Variants in EXD3 observed in about 807,000 individuals in gnomAD.
EXD3 encodes exonuclease 3'-5' domain containing 3.
Under a neutral mutation model 98.0 loss-of-function variants are expected in EXD3, and 92 were observed. The ratio of observed to expected loss-of-function variants is 0.94; its 90% CI spans 0.79 to 1.12. The LOEUF (loss-of-function observed/expected upper bound fraction) is 1.12, where lower values mean the gene tolerates loss of function less well. EXD3 is among the 50% of genes most tolerant of loss of function. The pLI, the probability that EXD3 is intolerant of heterozygous loss-of-function variation, is 0.00. For missense variants in EXD3, 1,222 were observed against 1,191.6 expected, an observed-to-expected ratio of 1.03 and a Z score of -0.38; for synonymous variants, 569 against 526.0, an observed-to-expected ratio of 1.08 and a Z score of -1.12.
intron 20 of EXD3, 125 bp from the exon 21 acceptor site, chr9:137,307,771 A>AC (rs1210048665): frequency 4.9e-5 from 51 of 1,048,104 alleles, no homozygotes; most frequent in African/African-American, 6.3e-5. Flanking sequence ...CTCTTCACAC[A>AC]CCCCCCAGCC....
At chr9:137,386,909 C>A (rs1187376789) in intron 2 of EXD3, among the ~76,000 whole-genome samples, 2 of 142,054 alleles carry the variant, frequency 1.4e-5, no homozygotes, top group African/African-American at 5.3e-5. Flanking sequence ...CCCTCAGCAC[C>A]CCTGCTCCCT....
At chr9:137,412,636 G>A (rs1838054435) in intron 1 of EXD3, among the ~76,000 whole-genome samples, 1 of 152,142 alleles carries the variant, frequency 6.6e-6, no homozygotes, top group Admixed American at 6.5e-5. Flanking sequence ...ACAGCAGGAT[G>A]AGCTGATGCT....
intron 1 of EXD3, among the ~76,000 whole-genome samples, chr9:137,422,818 C>T (rs975191290): frequency 2.0e-5 from 3 of 152,166 alleles, no homozygotes; most frequent in Non-Finnish European, 4.4e-5. Flanking sequence ...GATGTCCGTG[C>T]TCGGAAGGCG....
At chr9:137,323,594 C>T in intron 19 of EXD3, 131 bp downstream of exon 19, 3 of 1,331,324 alleles carry the variant, frequency 2.3e-6, no homozygotes, top group Non-Finnish European at 3.1e-6. Context: ...TCACCCTGGA[C>T]CACGAGGGAT....
intron 10 of EXD3, chr9:137,353,703 T>C: frequency 1.0e-6 from 1 of 985,348 alleles, no homozygotes; most frequent in Non-Finnish European, 1.2e-6. Flanking sequence ...AGCGAGGGTC[T>C]CCCTCCCCGC....
At chr9:137,394,188 AGCCTCCCAGCCTCCGCTTCCCTAACCCCG>A (rs1837091204) in intron 2 of EXD3, among the ~76,000 whole-genome samples, 1 of 59,064 alleles carries the variant, frequency 1.7e-5, no homozygotes, top group Admixed American at 1.6e-4. Context: ...CCCTAACCCC[AGCCTCCCAGCCTCCGCTTCCCTAACCCCG>A]GCCTCCCAGC....
At chr9:137,335,696 AAATAAATT>A (rs1344333499) in intron 17 of EXD3, among the ~76,000 whole-genome samples, 1 of 152,136 alleles carries the variant, frequency 6.6e-6, no homozygotes, top group Non-Finnish European at 1.5e-5. Flanking sequence ...ATAAATAAAT[AAATAAATT>A]AGTACAACAT....
intron 11 of EXD3, 27 bp downstream of exon 11, chr9:137,352,593 G>A: frequency 6.6e-7 from 1 of 1,516,314 alleles, no homozygotes; most frequent in Non-Finnish European, 8.8e-7. Flanking sequence ...ACCCACCCCT[G>A]GCTGGGGTCA....
intron 1 of EXD3, among the ~76,000 whole-genome samples, chr9:137,400,900 T>A (rs1237796713): frequency 6.6e-6 from 1 of 152,158 alleles, no homozygotes; most frequent in Non-Finnish European, 1.5e-5. Flanking sequence ...AGGTCTCACA[T>A]CCAGGTCATG....
intron 2 of EXD3, among the ~76,000 whole-genome samples, chr9:137,387,747 G>A (rs888273081): frequency 6.6e-6 from 1 of 152,184 alleles, no homozygotes; most frequent in African/African-American, 2.4e-5. Context: ...CCCGCTCTCC[G>A]GCCCCAGAAG....
At chr9:137,307,467 C>T (rs1284962091) in intron 21 of EXD3, 141 bp downstream of exon 21, 4 of 1,281,210 alleles carry the variant, frequency 3.1e-6, no homozygotes, top group Non-Finnish European at 4.2e-6. Flanking sequence ...CCACCCCTCA[C>T]CTTGCAGGCC....
chr9:137,337,280 G>GA (rs1250107350), intron 17 of EXD3, among the ~76,000 whole-genome samples: 1 of 152,152 alleles, frequency 6.6e-6, no homozygotes, highest in Non-Finnish European at 1.5e-5. Flanking sequence ...TAACTGCATG[G>GA]AAAATCTGAT....
chr9:137,353,518 CAG>C (rs1834424111), intron 10 of EXD3: 9 of 986,930 alleles, frequency 9.1e-6, no homozygotes, highest in Non-Finnish European at 1.1e-5. Context: ...CAGGAGCAGA[CAG>C]AGGGGTGCCC....
At chr9:137,374,278 C>T (rs777164539) in intron 3 of EXD3, among the ~76,000 whole-genome samples, 23 of 152,236 alleles carry the variant, frequency 1.5e-4, no homozygotes, top group Non-Finnish European at 2.9e-4. Flanking sequence ...CACAGCTCAG[C>T]GCTCGGGACA....
rs368056571 is a variant in EXD3 at position 137,403,001 on chromosome 9, C to T, written c.-47-7597G>A. Among the ~76,000 whole-genome samples, 2 of 152,182 alleles carry T rather than the reference C, an allele frequency of 1.3e-5. No individual in the cohort carries two copies. Among genetic ancestry groups the T allele is most frequent in the South Asian group, 4.2e-4 (2 of 4,812 alleles). On this transcript the variant is annotated intron_variant, in intron 1 of 21. Coordinates refer to ENST00000340951, the MANE Select transcript of EXD3 (RefSeq NM_017820.5). The surrounding 1 kb of genome is among the most constrained non-coding windows in gnomAD (Gnocchi z 6.1). ...CCGGCCCCAGGATTCAATTACTGCC[C>T]CCTGGGTCCCTCCCACAACAGGTGG...
chr9:137,388,028 G>C (rs528395722), intron 2 of EXD3, among the ~76,000 whole-genome samples: 25 of 152,356 alleles, frequency 1.6e-4, no homozygotes, highest in African/African-American at 4.8e-4. Flanking sequence ...CCATGTGGGT[G>C]GGGGCAGAGC....
chr9:137,382,282 G>A (rs1836352509), intron 3 of EXD3, among the ~76,000 whole-genome samples: 1 of 150,844 alleles, frequency 6.6e-6, no homozygotes, highest in African/African-American at 2.5e-5. Context: ...GCAGATCTCA[G>A]CCCTGTCTGT....
Position 137,351,510 on chromosome 9 carries a change from C to T in EXD3, c.1192G>A (p.Val398Ile). 6.3e-7 allele frequency: 1 copy of T among 1,592,490 alleles called. No homozygotes were observed. Among genetic ancestry groups the T allele is most frequent in the African/African-American group, 1.3e-5 (1 of 74,618 alleles). The part of the protein sequence containing the change: ...ALLQCHQVVG[V>I]DVEWTPVFVA... Reference sequence around the variant, plus strand: ...AACACAGGTGTCCACTCCACGTCTACACCAACCACTTGGTGGCACTGCGGG... The same window carrying T: ...AACACAGGTGTCCACTCCACGTCTATACCAACCACTTGGTGGCACTGCGGG... The change falls in exon 13 of 22, where the codon GTA (valine) becomes ATA (isoleucine). Residue 398 changes from valine to isoleucine, a missense_variant. Val to Ile is a conservative substitution (Grantham distance 29). Transcript: ENST00000340951.
At chr9:137,397,199 T>C (rs1837260044) in intron 1 of EXD3, among the ~76,000 whole-genome samples, 1 of 152,206 alleles carries the variant, frequency 6.6e-6, no homozygotes, top group Admixed American at 6.5e-5. Context: ...AAGACCATGC[T>C]GAGAGGAAGG....
Sources: allele counts gnomAD v4.1 joint callset (sites outside exome capture counted in the v4.1 genomes callset), GRCh38; gene constraint gnomAD v4.1.1; non-coding constraint Gnocchi (gnomAD v3.1); transcripts MANE v1.5; gene names NCBI Gene and HGNC (gene_info 2026-07-23, HGNC 2026-07-21).